The following LRP1B variants were observed in gnomAD, a reference collection of about 807,000 sequenced individuals.
LRP1B encodes the protein low-density lipoprotein receptor-related protein 1B.
LRP1B carries 217 observed loss-of-function variants against 556.6 expected under a neutral mutation model. The observed-to-expected ratio is 0.39, with a 90% CI of 0.35 to 0.44. The LOEUF is 0.44. Among genes scored for constraint, LRP1B ranks in the 20% least tolerant of loss-of-function variants. The pLI is 1.00. For missense variants in LRP1B, 5,053 were observed against 5,620.8 expected, an observed-to-expected ratio of 0.90 and a Z score of 3.23; for synonymous variants, 2,047 against 1,865.8, an observed-to-expected ratio of 1.10 and a Z score of -2.50.
At chr2:141,929,861 C>T (rs1436793053) in intron 1 of LRP1B, among the ~76,000 whole-genome samples, 1 of 140,924 alleles carries the variant, frequency 7.1e-6, no homozygotes, top group Non-Finnish European at 1.5e-5. Context: ...AAAATACAGT[C>T]TCTGCTTTCC....
chr2:140,551,680 G>T (rs561556917), intron 43 of LRP1B, among the ~76,000 whole-genome samples: 2 of 152,260 alleles, frequency 1.3e-5, no homozygotes, highest in South Asian at 4.1e-4. Context: ...AACCAAAAGA[G>T]TTTCAGAGAG....
At chr2:140,255,037 A>G (rs1476795291) in intron 86 of LRP1B, among the ~76,000 whole-genome samples, 1 of 152,220 alleles carries the variant, frequency 6.6e-6, no homozygotes, top group African/African-American at 2.4e-5. Flanking sequence ...AATGCAATCA[A>G]AAATTGAAAT....
intron 11 of LRP1B, among the ~76,000 whole-genome samples, chr2:141,038,303 G>C (rs948737746): frequency 1.3e-5 from 2 of 152,018 alleles, no homozygotes; most frequent in Non-Finnish European, 2.9e-5. Flanking sequence ...ATTTTGATTT[G>C]TGTGTATATA....
chr2:141,261,054 C>T (rs1186869340), intron 3 of LRP1B, among the ~76,000 whole-genome samples: 1 of 152,152 alleles, frequency 6.6e-6, no homozygotes, highest in Non-Finnish European at 1.5e-5. Context: ...GACACAGCTA[C>T]TTACCATGCC....
At chr2:141,014,527 A>C (rs1213076056) in intron 13 of LRP1B, among the ~76,000 whole-genome samples, 1 of 152,116 alleles carries the variant, frequency 6.6e-6, no homozygotes, top group African/African-American at 2.4e-5. Context: ...AACATACTGA[A>C]TACAAGATGA....
At chr2:141,899,479 G>C (rs1465868045) in intron 1 of LRP1B, among the ~76,000 whole-genome samples, 1 of 152,080 alleles carries the variant, frequency 6.6e-6, no homozygotes, top group Non-Finnish European at 1.5e-5. Flanking sequence ...TTATAAATGA[G>C]AGCAGAGCAT....
intron 2 of LRP1B, among the ~76,000 whole-genome samples, chr2:141,715,901 T>A (rs1034675839): frequency 7.2e-5 from 11 of 152,166 alleles, no homozygotes; most frequent in African/African-American, 2.7e-4. Context: ...AGACTGTGGT[T>A]GCTAAAATAG....
At chr2:141,611,643 A>G (rs187936367) in intron 2 of LRP1B, among the ~76,000 whole-genome samples, 1 of 152,310 alleles carries the variant, frequency 6.6e-6, no homozygotes, top group African/African-American at 2.4e-5. Flanking sequence ...CTTCTATATG[A>G]TTAACAGAAA....
chr2:141,516,328 T>C (rs1222048044), intron 2 of LRP1B, among the ~76,000 whole-genome samples: 1 of 152,162 alleles, frequency 6.6e-6, no homozygotes, highest in African/African-American at 2.4e-5. Flanking sequence ...TATGCTCAAA[T>C]CTCCTCTTTA....
intron 3 of LRP1B, among the ~76,000 whole-genome samples, chr2:141,391,996 C>G (rs1455440143): frequency 6.6e-6 from 1 of 151,952 alleles, no homozygotes; most frequent in African/African-American, 2.4e-5. Context: ...CATGTATATC[C>G]AAAGCATGAG....
intron 2 of LRP1B, among the ~76,000 whole-genome samples, chr2:141,709,576 A>G (rs1275527434): frequency 6.6e-6 from 1 of 152,104 alleles, no homozygotes; most frequent in Non-Finnish European, 1.5e-5. Flanking sequence ...CTGTTTATTG[A>G]AATGTATTGA....
At chr2:141,110,422 G>A (rs1207457040) in intron 7 of LRP1B, among the ~76,000 whole-genome samples, 1 of 152,046 alleles carries the variant, frequency 6.6e-6, no homozygotes, top group East Asian at 1.9e-4. Context: ...AACTGCCAAA[G>A]GACAGATTAA....
chr2:141,886,720 C>T (rs1048051177), intron 1 of LRP1B, among the ~76,000 whole-genome samples: 2 of 152,126 alleles, frequency 1.3e-5, no homozygotes, highest in African/African-American at 4.8e-5. Flanking sequence ...ATAGCCATTA[C>T]TTACTCACCT....
chr2:140,779,307 C>T (rs13030928), intron 32 of LRP1B, among the ~76,000 whole-genome samples: 39,858 of 152,070 alleles, frequency 0.26, 5,565 homozygotes, highest in South Asian at 0.33. Flanking sequence ...TTCTCTTCAC[C>T]ATTGCTAGAA....
chr2:140,482,853 G>C (rs1015873878), intron 59 of LRP1B, among the ~76,000 whole-genome samples: 6 of 152,106 alleles, frequency 3.9e-5, no homozygotes, highest in African/African-American at 1.4e-4. Flanking sequence ...GGAAACGGTA[G>C]TCAGTAGTTT....
At chr2:140,652,385 A>G (rs1206891703) in intron 41 of LRP1B, among the ~76,000 whole-genome samples, 2 of 152,038 alleles carry the variant, frequency 1.3e-5, no homozygotes, top group Non-Finnish European at 2.9e-5. Flanking sequence ...ATAATTTTTG[A>G]CTCTACCTAA....
chr2:140,373,779 T>C (rs1164426047), intron 68 of LRP1B, among the ~76,000 whole-genome samples: 1 of 152,078 alleles, frequency 6.6e-6, no homozygotes, highest in African/African-American at 2.4e-5. Context: ...TGACATCCTG[T>C]CTCTAAACAA....
chr2:141,600,961 CT>C (rs1687712372), intron 2 of LRP1B, among the ~76,000 whole-genome samples: 1 of 152,142 alleles, frequency 6.6e-6, no homozygotes, highest in Admixed American at 6.6e-5. Flanking sequence ...TAATCAGGAT[CT>C]GTTTTGTAAG....
At chr2:141,357,758 C>T (rs1688678441) in intron 3 of LRP1B, among the ~76,000 whole-genome samples, 1 of 152,052 alleles carries the variant, frequency 6.6e-6, no homozygotes, top group Non-Finnish European at 1.5e-5. Context: ...ATATTTGTCA[C>T]TGAAATGTAA....
Sources: gnomAD v4.1 joint callset for allele counts (sites outside exome capture counted in the v4.1 genomes callset) on GRCh38, gnomAD v4.1.1 for gene constraint, MANE v1.5 for transcripts, NCBI Gene and HGNC (gene_info 2026-07-23, HGNC 2026-07-21) for gene names.